Variants in CTNND2 observed in about 807,000 individuals in gnomAD.
The protein encoded by CTNND2 is catenin delta-2.
In CTNND2, 22 loss-of-function variants were observed where a neutral mutation model predicts 144.4. The ratio of observed to expected loss-of-function variants is 0.15; its 90% CI spans 0.11 to 0.22. The LOEUF (loss-of-function observed/expected upper bound fraction) is 0.22, where lower values mean the gene tolerates loss of function less well. CTNND2 is among the 10% of genes least tolerant of loss of function. The pLI is 1.00. For synonymous variants in CTNND2, 751 were observed against 695.6 expected (o/e 1.08, Z -1.25); for missense variants, 1,353 against 1,618.8 (o/e 0.84, Z 2.82).
rs142177575 is a variant in CTNND2, at chr5:11,443,115, A to G, written c.288-31046T>C. On this transcript the variant is annotated intron_variant, in intron 3 of 21. Coordinates refer to ENST00000304623, the MANE Select transcript of CTNND2 (RefSeq NM_001332.4). ...CAGTTCTATGAAACTGGTATACAAC[A>G]CAGGTCACTTTTGTTTATTACAACA... Among the ~76,000 whole-genome samples, 467 of 151,376 alleles carry G rather than the reference A, an allele frequency of 3.1e-3. 5 individuals are homozygous for G. Among genetic ancestry groups the G allele is most frequent in the African/African-American group, 0.01 (434 of 41,348 alleles).
At chr5:11,206,178 A>G (rs1200224286) in intron 10 of CTNND2, among the ~76,000 whole-genome samples, 3 of 152,128 alleles carry the variant, frequency 2.0e-5, no homozygotes, top group Non-Finnish European at 4.4e-5. Flanking sequence ...TTTAGGGTTT[A>G]ACTTTATAAA....
At chr5:11,269,725 C>G (rs1745802225) in intron 9 of CTNND2, among the ~76,000 whole-genome samples, 1 of 152,108 alleles carries the variant, frequency 6.6e-6, no homozygotes, top group Non-Finnish European at 1.5e-5. Context: ...TGCCAGAGTT[C>G]CTCTCCAGAC....
chr5:11,317,933 T>G (rs978722402), intron 9 of CTNND2, among the ~76,000 whole-genome samples: 14 of 152,154 alleles, frequency 9.2e-5, no homozygotes, highest in African/African-American at 3.4e-4. Context: ...TAAAATAGTA[T>G]CTGGATTTTT....
At position 11,846,145 on chromosome 5, in the gene CTNND2, A is replaced by T. The variant is rs145382535; in HGVS notation, c.37+57672T>A. ...CCAAACCAGAAATAGGTATAAAAAG[A>T]AATTTTCTTACCTATTTCTATTTGG... On this transcript the variant is annotated intron_variant, in intron 1 of 21. Coordinates refer to ENST00000304623, the MANE Select transcript of CTNND2 (RefSeq NM_001332.4). Among the ~76,000 whole-genome samples the T allele has an allele frequency of 6.4e-4, 97 of 152,280 alleles. 2 individuals carry two copies. In the East Asian group the frequency reaches 0.017, roughly 27 times the overall value.
chr5:11,733,360 G>T (rs947059359), intron 1 of CTNND2, among the ~76,000 whole-genome samples: 9 of 152,126 alleles, frequency 5.9e-5, no homozygotes, highest in African/African-American at 2.2e-4. Flanking sequence ...TGTCAGAACT[G>T]AATTAGAGGA....
intron 11 of CTNND2, among the ~76,000 whole-genome samples, chr5:11,168,971 T>C (rs1236817747): frequency 1.6e-4 from 24 of 152,218 alleles, no homozygotes; most frequent in Non-Finnish European, 3.5e-4. Context: ...ATCCCTGTGT[T>C]AGACCATGCT....
chr5:11,023,496 T>C (rs548499693), intron 16 of CTNND2, among the ~76,000 whole-genome samples: 2 of 152,232 alleles, frequency 1.3e-5, no homozygotes, highest in South Asian at 4.1e-4. Context: ...AAAGCAAAAA[T>C]GTGTGGGGAA....
chr5:11,416,079 G>C (rs1040066979), intron 3 of CTNND2, among the ~76,000 whole-genome samples: 3 of 152,148 alleles, frequency 2.0e-5, no homozygotes. Context: ...GAATTCCTAA[G>C]GCATTTCTTG....
chr5:11,124,097 T>TAA (rs1302211096), intron 12 of CTNND2, among the ~76,000 whole-genome samples: 4 of 152,188 alleles, frequency 2.6e-5, no homozygotes, highest in Non-Finnish European at 5.9e-5. Flanking sequence ...TTGATGGAAA[T>TAA]TTTTTAACTC....
chr5:11,226,453 C>A (rs1740370539), intron 10 of CTNND2, among the ~76,000 whole-genome samples: 1 of 152,152 alleles, frequency 6.6e-6, no homozygotes, highest in South Asian at 2.1e-4. Flanking sequence ...CTGATAAAGA[C>A]ACACTCGAGA....
intron 2 of CTNND2, among the ~76,000 whole-genome samples, chr5:11,714,769 C>T (rs139896340): frequency 1.3e-5 from 2 of 151,822 alleles, no homozygotes; most frequent in African/African-American, 4.8e-5. Flanking sequence ...ATTAGCCGGG[C>T]ATGGTGGCAG....
chr5:11,336,687 C>T (rs1753756474), intron 9 of CTNND2, among the ~76,000 whole-genome samples: 1 of 152,108 alleles, frequency 6.6e-6, no homozygotes, highest in South Asian at 2.1e-4. Flanking sequence ...CATGTGTACA[C>T]ATACTACATA....
At chr5:11,864,857 T>C (rs1163271442) in intron 1 of CTNND2, among the ~76,000 whole-genome samples, 2 of 149,570 alleles carry the variant, frequency 1.3e-5, no homozygotes, top group South Asian at 2.1e-4. Context: ...TGTCTGCCTG[T>C]CTGATCTCAA....
intron 6 of CTNND2, among the ~76,000 whole-genome samples, chr5:11,393,275 TTC>T (rs61749814): frequency 0.012 from 1,858 of 152,338 alleles, 30 homozygotes; most frequent in East Asian, 0.05. Flanking sequence ...AATTCTTAAT[TTC>T]TCTTACAGCA....
chr5:11,160,260 A>G (rs1182028944), intron 11 of CTNND2, among the ~76,000 whole-genome samples: 2 of 152,240 alleles, frequency 1.3e-5, no homozygotes, highest in East Asian at 3.8e-4. Context: ...GTCAGATGAC[A>G]ACTGGCTCAA....
chr5:11,470,037 C>T (rs1025228741), intron 3 of CTNND2, among the ~76,000 whole-genome samples: 2 of 152,158 alleles, frequency 1.3e-5, no homozygotes, highest in East Asian at 3.9e-4. Context: ...TTCTAAATTG[C>T]TTAGTACAGC....
intron 1 of CTNND2, among the ~76,000 whole-genome samples, chr5:11,853,609 G>A (rs1795116703): frequency 6.6e-6 from 1 of 152,206 alleles, no homozygotes; most frequent in Admixed American, 6.5e-5. Context: ...TGCCCCATAG[G>A]CCTTGGTGAA....
intron 9 of CTNND2, among the ~76,000 whole-genome samples, chr5:11,334,585 C>G (rs1753545718): frequency 6.6e-6 from 1 of 152,216 alleles, no homozygotes; most frequent in Non-Finnish European, 1.5e-5. Context: ...CTGCCGGCAT[C>G]TCACCTATCC....
rs950263389 is a variant in CTNND2 at position 11,089,065 on chromosome 5, T to C, written c.2638-6219A>G. On this transcript the variant is annotated intron_variant, in intron 15 of 21. Transcript: ENST00000304623. ...GTTGTTTTTGCTTCCTGCTGGTGGA[T>C]AGTGATGACAACAGCAGTCCTCTAA... 2.0e-5 allele frequency among the ~76,000 whole-genome samples: 3 copies of C among 152,186 alleles called. 1 individual carries two copies. The highest frequency in any genetic ancestry group is 4.8e-5 in the African/African-American group (2 of 41,440).
Sources: allele counts gnomAD v4.1 joint callset (sites outside exome capture counted in the v4.1 genomes callset), GRCh38; gene constraint gnomAD v4.1.1; transcripts MANE v1.5; gene names NCBI Gene and HGNC (gene_info 2026-07-23, HGNC 2026-07-21).